The following PRKCZ variants were observed in gnomAD, a reference collection of about 807,000 sequenced individuals.
The protein encoded by PRKCZ is protein kinase C zeta, also known as protein kinase C zeta type.
Under a neutral mutation model 79.5 loss-of-function variants are expected in PRKCZ, and 33 were observed. That is an observed-to-expected ratio of 0.41 (90% confidence interval 0.31 to 0.55). The LOEUF is 0.55. Among genes scored for constraint, PRKCZ ranks in the 20% least tolerant of loss-of-function variants. PRKCZ has a pLI of 0.19. For missense variants in PRKCZ, 578 were observed against 813.5 expected, an observed-to-expected ratio of 0.71 and a Z score of 3.52; for synonymous variants, 342 against 320.9, an observed-to-expected ratio of 1.07 and a Z score of -0.70.
intron 11 of PRKCZ, among the ~76,000 whole-genome samples, chr1:2,171,001 T>A (rs1395175364): frequency 6.6e-6 from 1 of 152,138 alleles, no homozygotes; most frequent in Non-Finnish European, 1.5e-5. Flanking sequence ...TTCTTTGGGG[T>A]ATACACCCAG....
intron 5 of PRKCZ, among the ~76,000 whole-genome samples, chr1:2,138,427 G>GC (rs1156655223): frequency 6.6e-6 from 1 of 152,210 alleles, no homozygotes; most frequent in Non-Finnish European, 1.5e-5. Flanking sequence ...GAAGGATGGT[G>GC]CCGGGGGTGG....
chr1:2,174,141 A>T lies in PRKCZ; in HGVS notation c.1405+125A>T. On this transcript the variant is annotated intron_variant, in intron 14 of 17. Coordinates refer to ENST00000378567, the MANE Select transcript of PRKCZ (RefSeq NM_002744.6). This position sits in a 1 kb window ranked among gnomAD's most constrained non-coding sequence, Gnocchi z 6.2. ...CAGTGCCATGCAAAGCGTACCGGGA[A>T]CCATTCCTCCTGGCCAGACCCTGTG... is the stretch of plus-strand genomic sequence containing the variant. 1 of 1,279,342 alleles carries T rather than the reference A, an allele frequency of 7.8e-7. No homozygotes were observed. Among genetic ancestry groups the T allele is most frequent in the Non-Finnish European group, 1.0e-6 (1 of 964,144 alleles). The allele number at this position is 1,279,342 out of a possible 1,614,324, so 79.2% of individuals were successfully genotyped here.
At chr1:2,091,021 G>T (rs1557535676) in intron 4 of PRKCZ, among the ~76,000 whole-genome samples, 1 of 152,140 alleles carries the variant, frequency 6.6e-6, no homozygotes, top group Non-Finnish European at 1.5e-5. Context: ...GAGAGCTGTG[G>T]CCCACTGTAG....
intron 5 of PRKCZ, chr1:2,141,291 C>G (rs555218424): frequency 6.6e-6 from 1 of 151,572 alleles, no homozygotes; most frequent in Non-Finnish European, 1.5e-5. Context: ...TGGCTCCCCA[C>G]GGAAAGGAAC....
At chr1:2,117,370 T>G (rs1670958485) in intron 4 of PRKCZ, among the ~76,000 whole-genome samples, 1 of 150,820 alleles carries the variant, frequency 6.6e-6, no homozygotes, top group African/African-American at 2.5e-5. Flanking sequence ...TTTTACAGTT[T>G]TTTTTTTTTT....
intron 6 of PRKCZ, 38 bp downstream of exon 6, chr1:2,144,379 CG>C: frequency 6.5e-7 from 1 of 1,546,226 alleles, no homozygotes; most frequent in Non-Finnish European, 8.7e-7. Flanking sequence ...GGGGCACGGG[CG>C]GGGTCGGGGC....
chr1:2,132,080 G>C (rs570332125), intron 4 of PRKCZ, among the ~76,000 whole-genome samples: 6 of 152,298 alleles, frequency 3.9e-5, no homozygotes, highest in Admixed American at 3.9e-4. Context: ...CAAAGTGCTG[G>C]GATTACAGGC....
At chr1:2,099,536 G>A (rs1244215517) in intron 4 of PRKCZ, among the ~76,000 whole-genome samples, 4 of 152,222 alleles carry the variant, frequency 2.6e-5, no homozygotes, top group East Asian at 1.9e-4. Context: ...AGGCCGTGGG[G>A]AGGAGTGACT....
intron 4 of PRKCZ, among the ~76,000 whole-genome samples, chr1:2,080,572 A>G (rs565916537): frequency 1.3e-5 from 2 of 152,292 alleles, no homozygotes; most frequent in East Asian, 3.9e-4. Context: ...TTTTTGGAAC[A>G]GTTTTGGATT....
chr1:2,062,446 G>C (rs1660770638), intron 4 of PRKCZ, among the ~76,000 whole-genome samples: 1 of 150,476 alleles, frequency 6.6e-6, no homozygotes, highest in Non-Finnish European at 1.5e-5. Flanking sequence ...TTCTATTCTG[G>C]TAAAATGCAC....
intron 5 of PRKCZ, chr1:2,143,959 G>A (rs908620137): frequency 8.7e-6 from 4 of 459,190 alleles, no homozygotes; most frequent in Admixed American, 7.4e-5. Flanking sequence ...CACCTCCCCT[G>A]TGTCCCCTCA....
intron 1 of PRKCZ, among the ~76,000 whole-genome samples, chr1:2,051,409 G>A (rs974184523): frequency 6.6e-6 from 1 of 152,210 alleles, no homozygotes; most frequent in Non-Finnish European, 1.5e-5. Context: ...CACAGCGGAG[G>A]GGTCGCTGCC....
At chr1:2,080,519 A>G (rs2803346) in intron 4 of PRKCZ, among the ~76,000 whole-genome samples, 74,055 of 151,972 alleles carry the variant, frequency 0.49, 22,025 homozygotes, top group East Asian at 0.95. Flanking sequence ...CAGGTAGTTT[A>G]GTTCTGTCAC....
chr1:2,161,603 A>G (rs183805791), intron 10 of PRKCZ, among the ~76,000 whole-genome samples: 1 of 152,334 alleles, frequency 6.6e-6, no homozygotes, highest in East Asian at 1.9e-4. Flanking sequence ...CGTTGTCTGT[A>G]GTTCTAATCG....
Position 2,172,491 on chromosome 1 carries a change from C to A in PRKCZ, c.1285+103C>A. On this transcript the variant is annotated intron_variant, in intron 13 of 17. Transcript: ENST00000378567. The surrounding 1 kb of genome is among the most constrained non-coding windows in gnomAD (Gnocchi z 7.8). ...GAGGTGTCCTTGACCATCTTACACC[C>A]AAAAGCCACACACTGTCTTTCCCAG... 8.1e-7 allele frequency: 1 copy of A among 1,230,766 alleles called. No individual in the cohort carries two copies. The highest frequency in any genetic ancestry group is 1.1e-6 in the Non-Finnish European group (1 of 897,334). 76.2% of individuals were successfully genotyped at this position (1,230,766 alleles called of 1,614,324 possible).
chr1:2,160,745 C>G (rs963155545), intron 10 of PRKCZ, among the ~76,000 whole-genome samples: 12 of 152,088 alleles, frequency 7.9e-5, no homozygotes, highest in Non-Finnish European at 1.6e-4. Context: ...GGGGAGTCAC[C>G]CCGGTTCGCA....
intron 4 of PRKCZ, among the ~76,000 whole-genome samples, chr1:2,121,256 G>A (rs893837795): frequency 3.3e-5 from 5 of 152,166 alleles, no homozygotes; most frequent in Non-Finnish European, 7.3e-5. Context: ...AGGCATGGGG[G>A]AGCCTGGAGG....
rs1036373475 is a variant in PRKCZ, at chr1:2,075,783, C to G, written c.334+16192C>G. 2.0e-5 allele frequency among the ~76,000 whole-genome samples: 3 copies of G among 152,228 alleles called. No homozygotes were observed. The highest frequency in any genetic ancestry group is 4.8e-5 in the African/African-American group (2 of 41,462). On this transcript the variant is annotated intron_variant, in intron 4 of 17. Transcript: ENST00000378567. This position sits in a 1 kb window ranked among gnomAD's most constrained non-coding sequence, Gnocchi z 4.8. Reference sequence around the variant, plus strand: ...GGGTGCCCCAGACCTTCCACGGGGTCTGGTGGGGACCTGCCAGGGCTGTCA... The same window carrying G: ...GGGTGCCCCAGACCTTCCACGGGGTGTGGTGGGGACCTGCCAGGGCTGTCA...
chr1:2,175,562 T>C (rs1685324544), intron 16 of PRKCZ, among the ~76,000 whole-genome samples: 1 of 16,584 alleles, frequency 6.0e-5, no homozygotes, highest in African/African-American at 2.2e-4. Flanking sequence ...CTCCAACCCC[T>C]ACACCCCCAA....
Sources: allele counts gnomAD v4.1 joint callset (sites outside exome capture counted in the v4.1 genomes callset), GRCh38; gene constraint gnomAD v4.1.1; non-coding constraint Gnocchi (gnomAD v3.1); transcripts MANE v1.5; gene names NCBI Gene and HGNC (gene_info 2026-07-23, HGNC 2026-07-21).